LEPR: variants seen among roughly 807,000 people sequenced by gnomAD.
LEPR encodes the protein OB receptor.
A neutral mutation model predicts 114.7 loss-of-function variants in LEPR; 56 were observed. The ratio of observed to expected loss-of-function variants is 0.49; its 90% CI spans 0.39 to 0.61. LEPR has a LOEUF of 0.61. Ranked by LOEUF, LEPR falls within the 20% of genes least tolerant of loss-of-function variation. The pLI is 0.00. For missense variants in LEPR, 1,202 were observed against 1,352.9 expected (o/e 0.89, Z 1.75); for synonymous variants, 443 against 461.4 (o/e 0.96, Z 0.51).
At chr1:65,587,921 A>G (rs1192321285) in intron 5 of LEPR, among the ~76,000 whole-genome samples, 1 of 151,982 alleles carries the variant, frequency 6.6e-6, no homozygotes, top group Admixed American at 6.6e-5. Flanking sequence ...TTCCATACTG[A>G]TTTTTAAATT....
intron 2 of LEPR, among the ~76,000 whole-genome samples, chr1:65,531,130 C>T (rs997048251): frequency 1.3e-5 from 2 of 152,114 alleles, no homozygotes; most frequent in East Asian, 3.9e-4. Context: ...TGCCACTTTA[C>T]CTGTCTGGTC....
intron 2 of LEPR, among the ~76,000 whole-genome samples, chr1:65,440,773 A>G (rs1026536070): frequency 6.6e-6 from 1 of 152,104 alleles, no homozygotes; most frequent in African/African-American, 2.4e-5. Context: ...TCATTTAGAG[A>G]TGAGACGCCA....
At chr1:65,607,187 T>C (rs1035580278) in intron 11 of LEPR, among the ~76,000 whole-genome samples, 3 of 152,184 alleles carry the variant, frequency 2.0e-5, no homozygotes, top group African/African-American at 7.2e-5. Flanking sequence ...TGGTTTGGGT[T>C]ATTTAGGTTT....
chr1:65,552,633 G>A (rs140825334), intron 2 of LEPR, among the ~76,000 whole-genome samples: 38 of 152,230 alleles, frequency 2.5e-4, no homozygotes, highest in African/African-American at 8.7e-4. Flanking sequence ...CTGGTCTCCT[G>A]AATACAGCAC....
At chr1:65,578,290 C>T (rs541196847) in intron 5 of LEPR, 16 of 230,488 alleles carry the variant, frequency 6.9e-5, no homozygotes, top group African/African-American at 3.0e-4. Flanking sequence ...GTCACTTCAC[C>T]GAAGTTGAAA....
At chr1:65,480,748 A>G (rs1213882293) in intron 2 of LEPR, among the ~76,000 whole-genome samples, 2 of 152,142 alleles carry the variant, frequency 1.3e-5, no homozygotes, top group African/African-American at 4.8e-5. Flanking sequence ...TAGCTTGTCA[A>G]AGTTCACACT....
chr1:65,445,736 TC>T (rs971890368), intron 2 of LEPR, among the ~76,000 whole-genome samples: 3 of 152,190 alleles, frequency 2.0e-5, no homozygotes, highest in African/African-American at 7.2e-5. Flanking sequence ...TTGTTTTTTT[TC>T]TACACATGCC....
At chr1:65,499,596 T>G (rs1648337969) in intron 2 of LEPR, among the ~76,000 whole-genome samples, 1 of 152,032 alleles carries the variant, frequency 6.6e-6, no homozygotes. Flanking sequence ...CACGGAGAAA[T>G]GTTGTCAGGT....
At position 65,608,878 on chromosome 1, in the gene LEPR, A is replaced by G. The variant is rs1656992653; in HGVS notation, c.1729A>G (p.Ser577Gly). Residue 577 changes from serine to glycine, a missense_variant, in exon 12 of 20, where the codon AGT (serine) becomes GGT (glycine). Coordinates refer to ENST00000349533, the MANE Select transcript of LEPR (RefSeq NM_002303.6). ...TCAATTCCAGATTCGCTATGGTTTA[A>G]GTGGAAAAGAAGTACAATGGAAGGT... is the stretch of plus-strand genomic sequence containing the variant. ...NLQFQIRYGL[S>G]GKEVQWKMYE... The G allele has an allele frequency of 6.2e-7, 1 of 1,613,644 alleles. No individual in the cohort carries two copies. Among genetic ancestry groups the G allele is most frequent in the Non-Finnish European group, 8.5e-7 (1 of 1,179,824 alleles).
chr1:65,537,426 C>T (rs1450331725), intron 2 of LEPR, among the ~76,000 whole-genome samples: 1 of 152,096 alleles, frequency 6.6e-6, no homozygotes, highest in Non-Finnish European at 1.5e-5. Context: ...CCTTCTTCCT[C>T]TAGGGCTAAA....
intron 5 of LEPR, among the ~76,000 whole-genome samples, chr1:65,589,737 G>T (rs549397392): frequency 6.6e-6 from 1 of 151,940 alleles, no homozygotes; most frequent in Non-Finnish European, 1.5e-5. Context: ...CCATGTAAGT[G>T]TTAGTCTATT....
intron 2 of LEPR, among the ~76,000 whole-genome samples, chr1:65,495,326 G>A (rs559681485): frequency 6.6e-6 from 1 of 152,266 alleles, no homozygotes; most frequent in South Asian, 2.1e-4. Flanking sequence ...TCAGGGAAAT[G>A]CAAATCAAAA....
intron 2 of LEPR, among the ~76,000 whole-genome samples, chr1:65,507,848 C>T (rs1192269199): frequency 6.6e-6 from 1 of 152,122 alleles, no homozygotes; most frequent in Non-Finnish European, 1.5e-5. Context: ...TCTCCACATA[C>T]TTGCTAATAC....
At chr1:65,571,654 TAA>T (rs377763359) in intron 4 of LEPR, among the ~76,000 whole-genome samples, 29,564 of 131,022 alleles carry the variant, frequency 0.23, 3,203 homozygotes, top group South Asian at 0.31. Flanking sequence ...TGTCTAATGT[TAA>T]AAAAAAAAAA....
chr1:65,635,230 C>A (rs780630405), intron 19 of LEPR: 53 of 975,286 alleles, frequency 5.4e-5, no homozygotes, highest in Non-Finnish European at 6.2e-5. Context: ...ATAAGCTGAA[C>A]ACATTTTCTA....
rs1656712519 is a variant in LEPR at position 65,604,890 on chromosome 1, T to A, written c.1404-148T>A. On this transcript the variant is annotated intron_variant, in intron 10 of 19. Transcript: ENST00000349533. ...ATCCTGAACCATCTCCCATCCCCCA[T>A]TAGTGGAAAAATTGTCTTCCATGAA... The A allele has an allele frequency of 1.9e-5, 16 of 826,514 alleles. No individual in the cohort carries two copies. In the South Asian group the frequency reaches 2.4e-4, roughly 13 times the overall value. 51.2% of individuals were successfully genotyped at this position (826,514 alleles called of 1,614,324 possible).
chr1:65,439,228 A>G (rs1337699122), intron 2 of LEPR, among the ~76,000 whole-genome samples: 1 of 152,230 alleles, frequency 6.6e-6, no homozygotes, highest in African/African-American at 2.4e-5. Flanking sequence ...AAGCAATCAC[A>G]GTAAAAATCC....
rs138639545 is a variant in LEPR, at chr1:65,500,182, C to T, written c.-20-65364C>T. 6.1e-3 allele frequency among the ~76,000 whole-genome samples: 929 copies of T among 152,196 alleles called. 10 individuals are homozygous for T. The highest frequency in any genetic ancestry group is 0.021 in the African/African-American group (888 of 41,518). On this transcript the variant is annotated intron_variant, in intron 2 of 19. Transcript: ENST00000349533. Reference sequence around the variant, plus strand: ...TGTAAGTTTCCTGAGGCCTCCTCAGCCATGTGGAACTGTGAGTCCATTACA... The same window carrying T: ...TGTAAGTTTCCTGAGGCCTCCTCAGTCATGTGGAACTGTGAGTCCATTACA...
chr1:65,461,236 A>G (rs1027989808), intron 2 of LEPR, among the ~76,000 whole-genome samples: 2 of 152,032 alleles, frequency 1.3e-5, no homozygotes, highest in African/African-American at 4.8e-5. Context: ...CGGCCTCCCA[A>G]AGTGCTGGGA....
Sources: allele counts gnomAD v4.1 joint callset (sites outside exome capture counted in the v4.1 genomes callset), GRCh38; gene constraint gnomAD v4.1.1; transcripts MANE v1.5; gene names NCBI Gene and HGNC (gene_info 2026-07-23, HGNC 2026-07-21).